MROH1: variants seen among roughly 807,000 people sequenced by gnomAD.
MROH1 encodes maestro heat like repeat family member 1, also known as maestro heat-like repeat-containing protein family member 1.
A neutral mutation model predicts 116.5 loss-of-function variants in MROH1; 117 were observed. The observed-to-expected ratio is 1.00, with a 90% CI of 0.86 to 1.17. MROH1 has a LOEUF of 1.17. Ranked by LOEUF, MROH1 falls within the 50% of genes most tolerant of loss-of-function variation. The probability of loss-of-function intolerance (pLI) is 0.00; values close to 1 mark genes in which losing one functional copy is unlikely to be tolerated. For synonymous variants in MROH1, 921 were observed against 583.9 expected, an observed-to-expected ratio of 1.58 and a Z score of -8.32; for missense variants, 1,873 against 1,338.5, an observed-to-expected ratio of 1.40 and a Z score of -6.23.
chr8:144,225,144 T>C (rs2132479648), intron 14 of MROH1, among the ~76,000 whole-genome samples: 1 of 152,248 alleles, frequency 6.6e-6, no homozygotes, highest in South Asian at 2.1e-4. Flanking sequence ...GCTCAAGTGA[T>C]CTTCCTGCCT....
At chr8:144,260,652 G>A (rs915982042) in intron 39 of MROH1, 25 bp from the exon 40 acceptor site, 1 of 776,618 alleles carries the variant, frequency 1.3e-6, no homozygotes, top group Non-Finnish European at 2.4e-6. Flanking sequence ...CCTGTGAGGA[G>A]ACGTATGCTG....
At chr8:144,247,128 A>G (rs921743810) in intron 29 of MROH1, among the ~76,000 whole-genome samples, 173 bp from the exon 30 acceptor site, 11,309 of 152,200 alleles carry the variant, frequency 0.074, 1,422 homozygotes, top group African/African-American at 0.26. Context: ...ACGCTGCAGC[A>G]GGAGGGGAGG....
intron 31 of MROH1, among the ~76,000 whole-genome samples, chr8:144,248,242 G>C (rs918905192): frequency 6.6e-6 from 1 of 152,178 alleles, no homozygotes; most frequent in South Asian, 2.1e-4. Context: ...TGCCTGCCTG[G>C]TCTACTCTGA....
chr8:144,188,621 C>T (rs1827807637), intron 7 of MROH1, among the ~76,000 whole-genome samples: 1 of 152,042 alleles, frequency 6.6e-6, no homozygotes, highest in African/African-American at 2.4e-5. Context: ...GGCGTGCCAC[C>T]ACACCCAGCT....
At chr8:144,244,015 C>T (rs1235749524) in intron 26 of MROH1, 73 bp downstream of exon 26, 9 of 745,680 alleles carry the variant, frequency 1.2e-5, no homozygotes, top group East Asian at 5.1e-5. Flanking sequence ...TGTGTGTGCA[C>T]GTGTATGCGC....
intron 1 of MROH1, among the ~76,000 whole-genome samples, chr8:144,148,308 C>G (rs1475535717): frequency 6.6e-6 from 1 of 152,180 alleles, no homozygotes; most frequent in Non-Finnish European, 1.5e-5. Flanking sequence ...AGCTGTGCGG[C>G]TGTGCTCCTC....
At chr8:144,154,078 T>G (rs1817488606) in intron 1 of MROH1, among the ~76,000 whole-genome samples, 2 of 151,652 alleles carry the variant, frequency 1.3e-5, no homozygotes, top group Admixed American at 6.6e-5. Flanking sequence ...TTTTTATTTT[T>G]TTTTGAGATG....
At chr8:144,190,617 G>C (rs1156871897) in intron 7 of MROH1, among the ~76,000 whole-genome samples, 167 bp from the exon 8 acceptor site, 5 of 152,176 alleles carry the variant, frequency 3.3e-5, no homozygotes, top group Non-Finnish European at 7.3e-5. Context: ...AATTTGGAGG[G>C]ACACTTTTCA....
chr8:144,194,307 C>T (rs1232397207), intron 10 of MROH1, among the ~76,000 whole-genome samples: 2 of 152,166 alleles, frequency 1.3e-5, no homozygotes, highest in African/African-American at 4.8e-5. Context: ...AAGTGATCCC[C>T]CTGCTTCAGC....
At chr8:144,207,922 G>A (rs1833199318) in intron 12 of MROH1, among the ~76,000 whole-genome samples, 1 of 151,246 alleles carries the variant, frequency 6.6e-6, no homozygotes, top group Non-Finnish European at 1.5e-5. Context: ...AATGTAGGGG[G>A]CAAGGTGTGT....
At chr8:144,244,144 C>T (rs2132993979) in intron 26 of MROH1, 78 bp from the exon 27 acceptor site, 1 of 705,448 alleles carries the variant, frequency 1.4e-6, no homozygotes, top group East Asian at 2.7e-5. Context: ...CTGTGCTGCC[C>T]ACACAGGCCT....
intron 12 of MROH1, among the ~76,000 whole-genome samples, chr8:144,209,113 T>A (rs906744625): frequency 6.6e-6 from 1 of 151,466 alleles, no homozygotes; most frequent in African/African-American, 2.4e-5. Flanking sequence ...GTCAGGCTGG[T>A]CTCAAACTCC....
At chr8:144,226,310 T>C (rs563642129) in intron 14 of MROH1, among the ~76,000 whole-genome samples, 27 of 152,306 alleles carry the variant, frequency 1.8e-4, no homozygotes, top group Admixed American at 1.8e-3. Context: ...TTGAGAACAC[T>C]CTTCTCTGTA....
rs1055868781 is a variant in MROH1 at position 144,151,648 on chromosome 8, C to A, written c.-177+3572C>A. Among the ~76,000 whole-genome samples, 50 of 152,304 alleles carry A rather than the reference C, an allele frequency of 3.3e-4. No homozygotes were observed. In the East Asian group the frequency reaches 9.6e-3, roughly 29 times the overall value. ...GGATACAAAAAGCCCTCTGTCCTTG[C>A]GACAAGTAGAGGGTCTAATTGAGCT... On this transcript the variant is annotated intron_variant, in intron 1 of 43. Coordinates refer to ENST00000326134, the MANE Select transcript of MROH1 (RefSeq NM_032450.3).
chr8:144,243,467 G>T, intron 24 of MROH1, 27 bp from the exon 25 acceptor site: 1 of 777,910 alleles, frequency 1.3e-6, no homozygotes. Flanking sequence ...GGGCGTGGGC[G>T]TCTCCTGTAG....
intron 24 of MROH1, among the ~76,000 whole-genome samples, chr8:144,243,284 C>T (rs1419335140): frequency 1.3e-5 from 2 of 152,266 alleles, no homozygotes; most frequent in Non-Finnish European, 2.9e-5. Flanking sequence ...TGCTCTGTGG[C>T]CTGTCTTCTC....
intron 24 of MROH1, 59 bp downstream of exon 24, chr8:144,242,687 G>T: frequency 1.3e-6 from 1 of 756,622 alleles, no homozygotes; most frequent in Non-Finnish European, 2.5e-6. Flanking sequence ...TCTCCTCTGG[G>T]CGGGTTGAGC....
chr8:144,162,246 A>G (rs1052685982), intron 2 of MROH1, among the ~76,000 whole-genome samples: 5 of 149,316 alleles, frequency 3.3e-5, no homozygotes, highest in African/African-American at 1.2e-4. Flanking sequence ...CACCACACCC[A>G]GCTAATTTCT....
chr8:144,236,288 C>T (rs1180367482), intron 14 of MROH1, among the ~76,000 whole-genome samples: 1 of 152,034 alleles, frequency 6.6e-6, no homozygotes, highest in Non-Finnish European at 1.5e-5. Context: ...TATCGGGGGT[C>T]CTAGTGTTGG....
Sources: gnomAD v4.1 joint callset for allele counts (sites outside exome capture counted in the v4.1 genomes callset) on GRCh38, gnomAD v4.1.1 for gene constraint, MANE v1.5 for transcripts, NCBI Gene and HGNC (gene_info 2026-07-23, HGNC 2026-07-21) for gene names.